The following KEAP1 variants were observed in gnomAD, a reference collection of about 807,000 sequenced individuals.
KEAP1 encodes the protein kelch like ECH associated protein 1, also known as kelch-like ECH-associated protein 1.
KEAP1 carries 26 observed loss-of-function variants against 59.7 expected under a neutral mutation model. That is an observed-to-expected ratio of 0.44 (90% CI 0.32 to 0.60). KEAP1 has a LOEUF of 0.60. Ranked by LOEUF, KEAP1 falls within the 20% of genes least tolerant of loss-of-function variation. The pLI is 0.06. For missense variants in KEAP1, 539 were observed against 871.4 expected (o/e 0.62, Z 4.80); for synonymous variants, 350 against 358.3 (o/e 0.98, Z 0.26).
chr19:10,499,178 T>G lies in KEAP1; in HGVS notation c.639+217A>C, dbSNP rs1914953417. Among the ~76,000 whole-genome samples the G allele has an allele frequency of 6.6e-6, 1 of 151,862 alleles. No homozygotes were observed. The highest frequency in any genetic ancestry group is 2.1e-4 in the South Asian group (1 of 4,804). ...TGTGTTTGTTTGTTTAGAGACAGGG[T>G]GTCATTATGTTGCCTGGGCTGGTCT... On this transcript the variant is annotated intron_variant, in intron 2 of 5. Coordinates refer to ENST00000171111, the MANE Select transcript of KEAP1 (RefSeq NM_203500.2). The surrounding 1 kb of genome is among the most constrained non-coding windows in gnomAD (Gnocchi z 6.7).
intron 1 of KEAP1, among the ~76,000 whole-genome samples, chr19:10,501,356 G>A (rs1291350221): frequency 6.6e-6 from 1 of 151,820 alleles, no homozygotes; most frequent in Admixed American, 6.6e-5. Context: ...TCGACCGGGC[G>A]TGGTGGCTCA....
At chr19:10,501,976 G>A (rs946802932) in intron 1 of KEAP1, among the ~76,000 whole-genome samples, 5 of 152,156 alleles carry the variant, frequency 3.3e-5, no homozygotes, top group Non-Finnish European at 7.3e-5. Context: ...TCATCACTGC[G>A]CTTGTCAGGA....
chr19:10,497,118 C>T (rs1028891690), intron 2 of KEAP1, among the ~76,000 whole-genome samples: 9 of 145,236 alleles, frequency 6.2e-5, no homozygotes, highest in African/African-American at 2.1e-4. Flanking sequence ...AGTGAGACTC[C>T]GTCTCAAAAA....
Position 10,491,582 on chromosome 19 carries a change from C to CA in KEAP1, c.1319dup (p.Glu441GlyfsTer4). ...CCCCAGGCCCTGCCACTCACCTCTC[C>CA]ACACTGTTGTGGTGGATGCAGCCGT... On this transcript the variant is annotated frameshift_variant, in exon 3 of 6. Transcript: ENST00000171111. LOFTEE classifies it high-confidence loss of function. This position sits in a 1 kb window ranked among gnomAD's most constrained non-coding sequence, Gnocchi z 5.2. 6.5e-7 allele frequency: 1 copy of CA among 1,538,060 alleles called. No individual in the cohort carries two copies. Among genetic ancestry groups the CA allele is most frequent in the Non-Finnish European group, 8.7e-7 (1 of 1,143,866 alleles).
intron 3 of KEAP1, 122 bp from the exon 4 acceptor site, chr19:10,489,975 G>A (rs1914614204): frequency 2.1e-6 from 2 of 947,346 alleles, no homozygotes; most frequent in South Asian, 1.7e-5. Flanking sequence ...AGGTTCATCC[G>A]GCGCGATGGC....
At position 10,491,691 on chromosome 19, in the gene KEAP1, G is replaced by A. The variant is rs767863796; in HGVS notation, c.1211C>T (p.Ser404Leu). 6.3e-5 allele frequency: 99 copies of A among 1,572,916 alleles called. 1 individual carries two copies. In the Admixed American group the frequency reaches 1.8e-3, roughly 29 times the overall value. Residue 404 changes from serine (S) to leucine (L), a missense_variant, in exon 3 of 6, where the codon TCG becomes TTG. Coordinates refer to ENST00000171111, the MANE Select transcript of KEAP1 (RefSeq NM_203500.2). The surrounding 1 kb of genome is among the most constrained non-coding windows in gnomAD (Gnocchi z 5.2). ...GGGCACGCTCATGGGGGCGCAGGGC[G>A]ACCACTGATTGGTCATGGGGTTGTA... The part of the protein sequence containing the change: ...DCYNPMTNQW[S>L]PCAPMSVPRN...
chr19:10,491,434 AAGG>A lies in KEAP1; in HGVS notation c.1325+140_1325+142del. 4.8e-6 allele frequency: 3 copies of A among 630,398 alleles called. No individual in the cohort carries two copies. Among genetic ancestry groups the A allele is most frequent in the Non-Finnish European group, 7.4e-6 (3 of 407,206 alleles). 39.1% of individuals were successfully genotyped at this position (630,398 alleles called of 1,614,324 possible). ...CAAAGGTCACTGACTAGAACTCTCC[AAGG>A]AGCTTAGCTTCATCCTGAGGCCTCC... is the stretch of plus-strand genomic sequence containing the variant. On this transcript the variant is annotated intron_variant, in intron 3 of 5. Transcript: ENST00000171111. The surrounding 1 kb of genome is among the most constrained non-coding windows in gnomAD (Gnocchi z 5.2).
At chr19:10,493,259 C>G (rs1306760568) in intron 2 of KEAP1, among the ~76,000 whole-genome samples, 3 of 151,092 alleles carry the variant, frequency 2.0e-5, no homozygotes, top group Non-Finnish European at 2.9e-5. Context: ...CCTGGGTTCA[C>G]GCCATTCTCC....
chr19:10,489,280 T>G lies in KEAP1; in HGVS notation c.1620A>C (p.Glu540Asp). 6.2e-7 allele frequency: 1 copy of G among 1,613,902 alleles called. No individual in the cohort carries two copies. The highest frequency in any genetic ancestry group is 8.5e-7 in the Non-Finnish European group (1 of 1,179,988). ...GGGCTACGAAAGTCCACGTCTCTGT[T>G]TCCACATCGTAGCGCTCCACGCTGT... The part of the protein sequence containing the change: ...QLNSVERYDV[E>D]TETWTFVAPM... Residue 540 changes from glutamate to aspartate, a missense_variant, in exon 5 of 6, where the codon GAA becomes GAC. By Grantham distance (45) the Glu-to-Asp change is conservative. Coordinates refer to ENST00000171111, the MANE Select transcript of KEAP1 (RefSeq NM_203500.2).
rs1162002932 is a variant in KEAP1, at chr19:10,502,969, G to T, written c.-48+272C>A. The T allele has an allele frequency of 6.6e-6, 1 of 152,014 alleles. No homozygotes were observed. The highest frequency in any genetic ancestry group is 2.4e-5 in the African/African-American group (1 of 41,426). 9.4% of individuals were successfully genotyped at this position (152,014 alleles called of 1,614,324 possible). A position where few individuals can be genotyped will look rare whatever the true frequency, so the allele number is the denominator to read the frequency against. On this transcript the variant is annotated intron_variant, in intron 1 of 5. Transcript: ENST00000171111. This position sits in a 1 kb window ranked among gnomAD's most constrained non-coding sequence, Gnocchi z 4.0. ...GCGGGGCGGGGGCACGCGACCCTGAGCGCGCTTAGCCGCGTGGTCCGAGTC... is the reference window on the plus strand; with the variant it reads ...GCGGGGCGGGGGCACGCGACCCTGATCGCGCTTAGCCGCGTGGTCCGAGTC...
intron 2 of KEAP1, chr19:10,492,608 C>T: frequency 4.3e-6 from 1 of 229,944 alleles, no homozygotes; most frequent in Non-Finnish European, 8.7e-6. Context: ...GTCCCAGCTA[C>T]TCGGGAGGCT....
chr19:10,494,749 A>G lies in KEAP1; in HGVS notation c.640-2487T>C, dbSNP rs1599487008. On this transcript the variant is annotated intron_variant, in intron 2 of 5. Transcript: ENST00000171111. ...TGCCTCACTGCAAGCTCTGCCATCCAGGTTCATGCGATTCTCCTGCCTCAG... is the reference window on the plus strand; with the variant it reads ...TGCCTCACTGCAAGCTCTGCCATCCGGGTTCATGCGATTCTCCTGCCTCAG... 1.4e-5 allele frequency among the ~76,000 whole-genome samples: 2 copies of G among 144,244 alleles called. 1 individual carries two copies. 94.6% of individuals were successfully genotyped at this position (144,244 alleles called of 152,430 possible).
Position 10,491,703 on chromosome 19 carries a change from G to T in KEAP1, c.1199C>A (p.Thr400Asn). 1.9e-6 allele frequency: 3 copies of T among 1,572,180 alleles called. No homozygotes were observed. Among genetic ancestry groups the T allele is most frequent in the Non-Finnish European group, 2.6e-6 (3 of 1,159,700 alleles). The change falls in exon 3 of 6, where the codon ACC becomes AAC. Residue 400 changes from threonine to asparagine, a missense_variant. Coordinates refer to ENST00000171111, the MANE Select transcript of KEAP1 (RefSeq NM_203500.2). The surrounding 1 kb of genome is among the most constrained non-coding windows in gnomAD (Gnocchi z 5.2). Reference protein sequence around the residue: ...SSALDCYNPMTNQWSPCAPMS... With the variant: ...SSALDCYNPMNNQWSPCAPMS... ...GGGGGCGCAGGGCGACCACTGATTG[G>T]TCATGGGGTTGTAACAGTCCAGGGC... is the stretch of plus-strand genomic sequence containing the variant.
intron 3 of KEAP1, chr19:10,490,297 C>CAACAAAAAAA (rs1914625079): frequency 6.4e-6 from 1 of 157,352 alleles, no homozygotes; most frequent in Non-Finnish European, 1.4e-5. Flanking sequence ...CTCCGTTGTC[C>CAACAAAAAAA]AGGCTGGAGT....
chr19:10,488,439 C>A (rs1914544205), intron 5 of KEAP1, among the ~76,000 whole-genome samples: 2 of 150,594 alleles, frequency 1.3e-5, no homozygotes, highest in African/African-American at 4.9e-5. Context: ...ATGGTGAAAC[C>A]CCATCTCTAC....
intron 2 of KEAP1, among the ~76,000 whole-genome samples, chr19:10,495,420 C>T (rs74467765): frequency 6.6e-6 from 1 of 152,182 alleles, no homozygotes; most frequent in Non-Finnish European, 1.5e-5. Context: ...AGCTCTGGGC[C>T]AGCACAGTGG....
Position 10,502,372 on chromosome 19 carries a change from G to A in KEAP1, c.-48+869C>T, listed in dbSNP as rs1202927850. The A allele has an allele frequency of 6.6e-6, 1 of 152,290 alleles. No individual in the cohort carries two copies. The highest frequency in any genetic ancestry group is 2.4e-5 in the African/African-American group (1 of 41,446). 9.4% of individuals were successfully genotyped at this position (152,290 alleles called of 1,614,324 possible). A position where few individuals can be genotyped will look rare whatever the true frequency, so the allele number is the denominator to read the frequency against. On this transcript the variant is annotated intron_variant, in intron 1 of 5. Coordinates refer to ENST00000171111, the MANE Select transcript of KEAP1 (RefSeq NM_203500.2). The surrounding 1 kb of genome is among the most constrained non-coding windows in gnomAD (Gnocchi z 4.0). ...GAGCCTCCACCAGGCCCAGTGAGGC[G>A]AGGAAGTGACCCCACCGCGGCCTCT... is the stretch of plus-strand genomic sequence containing the variant.
intron 2 of KEAP1, among the ~76,000 whole-genome samples, chr19:10,493,718 T>C (rs996611299): frequency 6.6e-6 from 1 of 151,190 alleles, no homozygotes; most frequent in Non-Finnish European, 1.5e-5. Flanking sequence ...CCCACCACCG[T>C]GCCTGGCTAA....
At position 10,499,767 on chromosome 19, in the gene KEAP1, C is replaced by G. The variant is rs368450352; in HGVS notation, c.267G>C (p.Pro89=). ...VTLQVKYQDA[P]AAQFMAHKVV... ...CCTTGTGGGCCATGAACTGGGCGGC[C>G]GGTGCATCCTGGTACTTGACCTGCA... The change falls in exon 2 of 6, where the codon CCG becomes CCC. Residue 89 remains proline, a synonymous_variant. Transcript: ENST00000171111. This position sits in a 1 kb window ranked among gnomAD's most constrained non-coding sequence, Gnocchi z 6.7. 4.3e-6 allele frequency: 7 copies of G among 1,614,086 alleles called. No homozygotes were observed. The highest frequency in any genetic ancestry group is 5.9e-6 in the Non-Finnish European group (7 of 1,180,030).
Sources: allele counts gnomAD v4.1 joint callset (sites outside exome capture counted in the v4.1 genomes callset), GRCh38; gene constraint gnomAD v4.1.1; non-coding constraint Gnocchi (gnomAD v3.1); transcripts MANE v1.5; gene names NCBI Gene and HGNC (gene_info 2026-07-23, HGNC 2026-07-21).